POLI: variants seen among roughly 807,000 people sequenced by gnomAD.
POLI encodes the protein DNA polymerase iota.
A neutral mutation model predicts 51.6 loss-of-function variants in POLI; 58 were observed. The ratio of observed to expected loss-of-function variants is 1.12; its 90% CI spans 0.91 to 1.40. POLI has a LOEUF of 1.40. Among genes scored for constraint, POLI ranks in the 40% most tolerant of loss-of-function variants. The probability of loss-of-function intolerance (pLI) is 0.00; values close to 1 mark genes in which losing one functional copy is unlikely to be tolerated. For missense variants in POLI, 921 were observed against 871.3 expected (o/e 1.06, Z -0.72); for synonymous variants, 322 against 299.7 (o/e 1.07, Z -0.77).
intron 1 of POLI, chr18:54,270,003 T>C (rs1318438731): frequency 9.6e-7 from 1 of 1,045,890 alleles, no homozygotes; most frequent in African/African-American, 1.7e-5. Flanking sequence ...TTTGGAGAAG[T>C]TGAGGACCTT....
downstream of POLI, among the ~76,000 whole-genome samples, chr18:54,299,268 C>G (rs2088448246): frequency 1.3e-5 from 2 of 152,128 alleles, no homozygotes; most frequent in Non-Finnish European, 2.9e-5. Flanking sequence ...AACCCTGTCT[C>G]TACCAAAATA....
intron 3 of POLI, among the ~76,000 whole-genome samples, chr18:54,314,527 T>C (rs986728421): frequency 7.2e-5 from 11 of 152,292 alleles, no homozygotes; most frequent in African/African-American, 2.4e-4. Flanking sequence ...CAGTTTTCTT[T>C]GGAATAGTTT....
intron 3 of POLI, among the ~76,000 whole-genome samples, chr18:54,313,109 C>T (rs1245414082): frequency 6.6e-6 from 1 of 152,142 alleles, no homozygotes; most frequent in East Asian, 1.9e-4. Context: ...TCTAATCCAT[C>T]TTGAGTTAAT....
At chr18:54,286,943 CAAAA>C (rs34365028) in intron 7 of POLI, among the ~76,000 whole-genome samples, 23 of 142,058 alleles carry the variant, frequency 1.6e-4, no homozygotes, top group Admixed American at 2.8e-4. Flanking sequence ...GACTCCATCT[CAAAA>C]AAAAAAAAAT....
Position 54,297,091 on chromosome 18 carries a change from G to A in POLI, c.*2624G>A, listed in dbSNP as rs2088367795. The A allele has an allele frequency of 5.1e-6, 5 of 985,392 alleles. No individual in the cohort carries two copies. The highest frequency in any genetic ancestry group is 6.0e-6 in the Non-Finnish European group (5 of 829,914). The allele number at this position is 985,392 out of a possible 1,614,324, so 61.0% of individuals were successfully genotyped here. On this transcript the variant is annotated 3_prime_UTR_variant, in exon 10 of 10. Transcript: ENST00000579534. ...TACTCTATTCACCTTTGTGGATCCT[G>A]ATTGAATGCCTTGTCTTAAGTGTAA...
downstream of POLI, among the ~76,000 whole-genome samples, chr18:54,300,951 A>G (rs1343950706): frequency 2.6e-5 from 4 of 152,190 alleles, no homozygotes; most frequent in African/African-American, 9.7e-5. Context: ...AAAAGCTGAT[A>G]AAACTGCAAG....
At chr18:54,274,687 A>T (rs1215741065) in intron 3 of POLI, among the ~76,000 whole-genome samples, 1 of 152,142 alleles carries the variant, frequency 6.6e-6, no homozygotes, top group East Asian at 1.9e-4. Context: ...CACATTGCAA[A>T]TATAGTAGGT....
Position 54,310,158 on chromosome 18 carries a change from G to A in POLI, c.334-10115G>A, listed in dbSNP as rs10460092. Among the ~76,000 whole-genome samples, 192 of 152,260 alleles carry A rather than the reference G, an allele frequency of 1.3e-3. 3 individuals are homozygous for A. In the East Asian group the frequency reaches 0.02, roughly 16 times the overall value. The stretch of plus-strand genomic sequence containing the variant: ...TCAGTTGGAAATGCGGAAATCACCC[G>A]TCTTCTGCATCAGTCACACTAGGAA... On this transcript the variant is annotated intron_variant, in intron 3 of 4. Transcript: ENST00000579823.
At chr18:54,307,370 C>T (rs1473288152) in intron 3 of POLI, among the ~76,000 whole-genome samples, 2 of 152,202 alleles carry the variant, frequency 1.3e-5, no homozygotes, top group African/African-American at 4.8e-5. Context: ...GCAGGTTGTT[C>T]AGTTTCCTGG....
chr18:54,312,252 TG>T (rs1188548239), intron 3 of POLI, among the ~76,000 whole-genome samples: 1 of 152,190 alleles, frequency 6.6e-6, no homozygotes, highest in African/African-American at 2.4e-5. Flanking sequence ...TGGTTTCCAG[TG>T]GCATCCATGT....
chr18:54,297,600 A>G lies in POLI; in HGVS notation c.*3133A>G. 1 of 979,112 alleles carries G rather than the reference A, an allele frequency of 1.0e-6. No homozygotes were observed. 60.7% of individuals were successfully genotyped at this position (979,112 alleles called of 1,614,324 possible). ...TTTTTCTATGTTGTGCTTCTTTCCCACCTTTATCTCTCCTCCTATCTTTTG... is the reference window on the plus strand; with the variant it reads ...TTTTTCTATGTTGTGCTTCTTTCCCGCCTTTATCTCTCCTCCTATCTTTTG... On this transcript the variant is annotated 3_prime_UTR_variant, in exon 10 of 10. Transcript: ENST00000579534.
At position 54,296,893 on chromosome 18, in the gene POLI, T is replaced by C. The variant is rs1331765647; in HGVS notation, c.*2426T>C. On this transcript the variant is annotated 3_prime_UTR_variant, in exon 10 of 10. Coordinates refer to ENST00000579534, the MANE Select transcript of POLI (RefSeq NM_007195.3). ...TATGATATTTTTGATAATTTCAATA[T>C]TTTAAGTCTTTATAAGTCTACATTT... 1.1e-6 allele frequency: 1 copy of C among 913,646 alleles called. No individual in the cohort carries two copies. The highest frequency in any genetic ancestry group is 1.8e-5 in the African/African-American group (1 of 55,506). 56.6% of individuals were successfully genotyped at this position (913,646 alleles called of 1,614,324 possible). A position where few individuals can be genotyped will look rare whatever the true frequency, so the allele number is the denominator to read the frequency against.
At chr18:54,281,924 G>A (rs73487913) in intron 5 of POLI, among the ~76,000 whole-genome samples, 249 of 152,064 alleles carry the variant, frequency 1.6e-3, no homozygotes, top group African/African-American at 5.9e-3. Context: ...TGGAATTACT[G>A]TTTTTGAATG....
At position 54,296,961 on chromosome 18, in the gene POLI, T is replaced by C. The variant is rs1240322883; in HGVS notation, c.*2494T>C. 2.0e-6 allele frequency: 2 copies of C among 983,086 alleles called. No individual in the cohort carries two copies. The highest frequency in any genetic ancestry group is 2.4e-6 in the Non-Finnish European group (2 of 827,796). The allele number at this position is 983,086 out of a possible 1,614,324, so 60.9% of individuals were successfully genotyped here. ...TCATTGTGACTTATTTCCTTGAGTA[T>C]GTGTTAATCTGCGAGAAGACAGAGG... On this transcript the variant is annotated 3_prime_UTR_variant, in exon 10 of 10. Coordinates refer to ENST00000579534, the MANE Select transcript of POLI (RefSeq NM_007195.3).
At chr18:54,283,404 C>A (rs1349966300) in intron 6 of POLI, among the ~76,000 whole-genome samples, 1 of 152,152 alleles carries the variant, frequency 6.6e-6, no homozygotes, top group African/African-American at 2.4e-5. Flanking sequence ...AAGCACTTTA[C>A]TGAGTGCTTT....
chr18:54,303,613 G>A (rs2088529589), intron 3 of POLI, among the ~76,000 whole-genome samples: 1 of 152,086 alleles, frequency 6.6e-6, no homozygotes, highest in African/African-American at 2.4e-5. Context: ...ATGAGGATGT[G>A]TCACTCCAGG....
intron 3 of POLI, among the ~76,000 whole-genome samples, chr18:54,310,802 G>A (rs2088659966): frequency 6.6e-6 from 1 of 152,066 alleles, no homozygotes; most frequent in South Asian, 2.1e-4. Context: ...TAAGTAAGAA[G>A]GAATTTAGTG....
At chr18:54,285,833 CA>C (rs1234974174) in intron 7 of POLI, among the ~76,000 whole-genome samples, 1 of 151,974 alleles carries the variant, frequency 6.6e-6, no homozygotes, top group Non-Finnish European at 1.5e-5. Flanking sequence ...TGTCACAAAG[CA>C]GTAAGAGATA....
chr18:54,313,125 G>T (rs2088690295), intron 3 of POLI, among the ~76,000 whole-genome samples: 1 of 152,098 alleles, frequency 6.6e-6, no homozygotes, highest in Non-Finnish European at 1.5e-5. Context: ...TTAATTTTGT[G>T]TATGGTGATA....
Sources: allele counts gnomAD v4.1 joint callset (sites outside exome capture counted in the v4.1 genomes callset), GRCh38; gene constraint gnomAD v4.1.1; transcripts MANE v1.5; gene names NCBI Gene and HGNC (gene_info 2026-07-23, HGNC 2026-07-21).